Variants in FAM185A observed in about 807,000 individuals in gnomAD.
FAM185A encodes family with sequence similarity 185 member A, also known as protein FAM185A.
FAM185A carries 21 observed loss-of-function variants against 45.7 expected under a neutral mutation model. That is an observed-to-expected ratio of 0.46 (90% CI 0.33 to 0.66). The LOEUF (loss-of-function observed/expected upper bound fraction) is 0.66, where lower values mean the gene tolerates loss of function less well. FAM185A is among the 30% of genes least tolerant of loss of function. The pLI, the probability that FAM185A is intolerant of heterozygous loss-of-function variation, is 0.03. For missense variants in FAM185A, 305 were observed against 485.4 expected, an observed-to-expected ratio of 0.63 and a Z score of 3.49; for synonymous variants, 117 against 194.0, an observed-to-expected ratio of 0.60 and a Z score of 3.30.
chr7:102,826,294 G>T, the FAM185A span, among the ~76,000 whole-genome samples: 69,593 of 151,880 alleles, frequency 0.46, 17,836 homozygotes, highest in African/African-American at 0.7. Context: ...TTAATAACAG[G>T]TGGTTTCATG....
chr7:102,830,817 A>AT, the FAM185A span, among the ~76,000 whole-genome samples: 1 of 152,292 alleles, frequency 6.6e-6, no homozygotes, highest in Admixed American at 6.5e-5. Flanking sequence ...ATTTCTGAGG[A>AT]TTTTCAAAAA....
chr7:102,770,022 C>T (rs1420618021), intron 4 of FAM185A, among the ~76,000 whole-genome samples: 3 of 152,124 alleles, frequency 2.0e-5, no homozygotes, highest in African/African-American at 7.2e-5. Flanking sequence ...TTTGTGGGAA[C>T]GTTCAAACCA....
intron 7 of FAM185A, among the ~76,000 whole-genome samples, chr7:102,791,663 T>C (rs1362382844): frequency 6.6e-6 from 1 of 152,166 alleles, no homozygotes; most frequent in African/African-American, 2.4e-5. Flanking sequence ...CCCTATGAGG[T>C]TGGTCCCCAG....
chr7:102,781,122 C>A (rs1288791701), intron 6 of FAM185A, among the ~76,000 whole-genome samples: 3 of 152,180 alleles, frequency 2.0e-5, no homozygotes, highest in Non-Finnish European at 1.5e-5. Context: ...GGAGGGGCGT[C>A]CACCATTGCC....
the FAM185A span, among the ~76,000 whole-genome samples, chr7:102,839,432 T>C: frequency 1.3e-5 from 2 of 152,198 alleles, no homozygotes; most frequent in Non-Finnish European, 2.9e-5. Flanking sequence ...TGTCTCTGTG[T>C]CTTATTTCTT....
chr7:102,827,544 A>T, the FAM185A span, among the ~76,000 whole-genome samples: 2 of 151,904 alleles, frequency 1.3e-5, no homozygotes, highest in Non-Finnish European at 2.9e-5. Context: ...TTTTTTTTAT[A>T]CTTTAAGTTT....
At chr7:102,801,437 T>C (rs944404911) in intron 7 of FAM185A, among the ~76,000 whole-genome samples, 3 of 152,132 alleles carry the variant, frequency 2.0e-5, no homozygotes, top group Admixed American at 1.3e-4. Flanking sequence ...ACTTAAAAGA[T>C]AAGAACTGCA....
chr7:102,783,814 G>A (rs2129440453), intron 6 of FAM185A, among the ~76,000 whole-genome samples: 1 of 152,140 alleles, frequency 6.6e-6, no homozygotes, highest in African/African-American at 2.4e-5. Flanking sequence ...ACTAGCAGAA[G>A]GCAAGAAATA....
At chr7:102,802,330 A>G (rs1043908089) in intron 7 of FAM185A, among the ~76,000 whole-genome samples, 1 of 152,242 alleles carries the variant, frequency 6.6e-6, no homozygotes, top group African/African-American at 2.4e-5. Context: ...AGTTGAAATT[A>G]TATCAAGCAC....
At chr7:102,821,583 C>G in the FAM185A span, among the ~76,000 whole-genome samples, 1 of 152,124 alleles carries the variant, frequency 6.6e-6, no homozygotes, top group Non-Finnish European at 1.5e-5. Flanking sequence ...ACCTTACCTT[C>G]TATGTCAGGG....
chr7:102,774,312 T>C (rs1794926813), intron 5 of FAM185A, among the ~76,000 whole-genome samples: 1 of 152,202 alleles, frequency 6.6e-6, no homozygotes, highest in Non-Finnish European at 1.5e-5. Context: ...CCTTGCTAAA[T>C]TTATTCTAAT....
chr7:102,783,669 T>C (rs1209442507), intron 6 of FAM185A, among the ~76,000 whole-genome samples: 14 of 147,844 alleles, frequency 9.5e-5, no homozygotes, highest in Admixed American at 9.3e-4. Flanking sequence ...TGGTATGCTC[T>C]GGTATGTGAA....
intron 6 of FAM185A, among the ~76,000 whole-genome samples, chr7:102,786,821 AGT>A (rs1408624633): frequency 7.9e-6 from 1 of 126,632 alleles, no homozygotes; most frequent in Non-Finnish European, 1.6e-5. Flanking sequence ...TAAAACTTAA[AGT>A]ATAATAAAAA....
chr7:102,831,431 A>ACACACCCCCCCCCC, the FAM185A span, among the ~76,000 whole-genome samples: 1 of 147,124 alleles, frequency 6.8e-6, no homozygotes, highest in African/African-American at 2.5e-5. Flanking sequence ...ACACACACAC[A>ACACACCCCCCCCCC]CCCCACTACA....
chr7:102,845,708 T>C, the FAM185A span, among the ~76,000 whole-genome samples: 5 of 152,330 alleles, frequency 3.3e-5, no homozygotes, highest in African/African-American at 7.2e-5. Flanking sequence ...TTGTTCAGGT[T>C]GCTATCCTGT....
At chr7:102,758,426 GCTTTTTTTTT>G (rs1259265210) in intron 3 of FAM185A, among the ~76,000 whole-genome samples, 25 of 95,892 alleles carry the variant, frequency 2.6e-4, no homozygotes, top group South Asian at 3.4e-4. Flanking sequence ...TGCTCTCACA[GCTTTTTTTTT>G]TTTTTTTTTT....
chr7:102,790,075 G>T (rs7800387), intron 7 of FAM185A, among the ~76,000 whole-genome samples: 28,240 of 151,664 alleles, frequency 0.19, 3,006 homozygotes, highest in East Asian at 0.53. Flanking sequence ...CTGTTGTATC[G>T]TAACTATTTT....
the FAM185A span, among the ~76,000 whole-genome samples, chr7:102,834,140 A>G: frequency 0.12 from 11,892 of 101,870 alleles, 1,002 homozygotes; most frequent in Middle Eastern, 0.16. Context: ...GAAAGAAAGA[A>G]AAGAGAAGAC....
At chr7:102,811,474 TA>T (rs1797431488), downstream of FAM185A, among the ~76,000 whole-genome samples, 1 of 152,234 alleles carries the variant, frequency 6.6e-6, no homozygotes, top group Non-Finnish European at 1.5e-5. Context: ...TATGTAGCTG[TA>T]AAATTTGTCT....
Sources: gnomAD v4.1 joint callset for allele counts (sites outside exome capture counted in the v4.1 genomes callset) on GRCh38, gnomAD v4.1.1 for gene constraint, MANE v1.5 for transcripts, NCBI Gene and HGNC (gene_info 2026-07-23, HGNC 2026-07-21) for gene names.